PANX1: variants seen among roughly 807,000 people sequenced by gnomAD.
PANX1 encodes pannexin 1, also known as pannexin-1.
Under a neutral mutation model 38.7 loss-of-function variants are expected in PANX1, and 30 were observed. That is an observed-to-expected ratio of 0.78 (90% CI 0.58 to 1.05). PANX1 has a LOEUF of 1.05. PANX1 is among the 50% of genes least tolerant of loss of function. The pLI, the probability that PANX1 is intolerant of heterozygous loss-of-function variation, is 0.00. For missense variants in PANX1, 551 were observed against 517.2 expected (o/e 1.07, Z -0.63); for synonymous variants, 230 against 212.2 (o/e 1.08, Z -0.73).
chr11:94,128,950 C>G lies in PANX1; in HGVS notation c.-363C>G, dbSNP rs2134467489. On this transcript the variant is annotated 5_prime_UTR_variant, in exon 1 of 5. Coordinates refer to ENST00000227638, the MANE Select transcript of PANX1 (RefSeq NM_015368.4). ...CCAGGGCGGCGCGGAGGGGCAGGGC[C>G]AGAGGGAAGCGCTTTGTTCCGCGCG... The G allele has an allele frequency of 5.9e-6, 1 of 168,602 alleles. No homozygotes were observed. Among genetic ancestry groups the G allele is most frequent in the Admixed American group, 6.4e-5 (1 of 15,632 alleles). 10.4% of individuals were successfully genotyped at this position (168,602 alleles called of 1,614,324 possible). A position where few individuals can be genotyped will look rare whatever the true frequency, so the allele number is the denominator to read the frequency against.
chr11:94,147,609 T>G (rs1438144173), intron 1 of PANX1, among the ~76,000 whole-genome samples: 1 of 152,234 alleles, frequency 6.6e-6, no homozygotes, highest in Admixed American at 6.5e-5. Context: ...TTTCTGTTGC[T>G]GCACTTAGCG....
intron 3 of PANX1, 60 bp from the exon 4 acceptor site, chr11:94,179,542 C>CT: frequency 7.9e-7 from 1 of 1,266,248 alleles, no homozygotes; most frequent in African/African-American, 1.5e-5. Flanking sequence ...GTGTATCTGC[C>CT]TTTAATATTT....
chr11:94,172,144 C>T (rs1460052883), intron 2 of PANX1, among the ~76,000 whole-genome samples: 2 of 151,674 alleles, frequency 1.3e-5, no homozygotes, highest in Non-Finnish European at 2.9e-5. Flanking sequence ...CAAACCTTAG[C>T]ATTGCCAGAG....
Position 94,179,847 on chromosome 11 carries a change from A to C in PANX1, c.791A>C (p.Gln264Pro), listed in dbSNP as rs185625556. Residue 264 changes from glutamine to proline, a missense_variant, in exon 4 of 5, where the codon CAG becomes CCG. Gln to Pro is a moderately conservative substitution (Grantham distance 76). Coordinates refer to ENST00000227638, the MANE Select transcript of PANX1 (RefSeq NM_015368.4). ...RNDSTVPDQF[Q>P]CKLIAVGIFQ... ...GACAGCACCGTGCCCGATCAGTTTC[A>C]GTGCAAACTCATTGCCGTGGGCATC... The C allele has an allele frequency of 6.8e-6, 11 of 1,614,132 alleles. No individual in the cohort carries two copies. In the East Asian group the frequency reaches 2.5e-4, roughly 36 times the overall value.
Position 94,147,739 on chromosome 11 carries a change from T to G in PANX1, c.182-5752T>G, listed in dbSNP as rs76019193. 4.7e-4 allele frequency among the ~76,000 whole-genome samples: 71 copies of G among 152,338 alleles called. 1 individual carries two copies. The East Asian group carries it at 0.013, about 28-fold the overall frequency. On this transcript the variant is annotated intron_variant, in intron 1 of 4. Coordinates refer to ENST00000227638, the MANE Select transcript of PANX1 (RefSeq NM_015368.4). ...GCTGTGGGGTTGAGTGGTCACATCA[T>G]GGACCACGCGTTTGGCAGGTACAGA...
chr11:94,137,361 T>C (rs1184232946), intron 1 of PANX1, among the ~76,000 whole-genome samples: 1 of 152,200 alleles, frequency 6.6e-6, no homozygotes, highest in Non-Finnish European at 1.5e-5. Context: ...TCATGGACTC[T>C]AGGTTTGGAT....
chr11:94,148,060 GA>G (rs955611001), intron 1 of PANX1, among the ~76,000 whole-genome samples: 11 of 148,308 alleles, frequency 7.4e-5, no homozygotes, highest in South Asian at 2.1e-4. Flanking sequence ...TGGTTTAAAG[GA>G]AAAAAAAAAG....
chr11:94,155,892 A>C (rs1185423074), intron 2 of PANX1, among the ~76,000 whole-genome samples: 1 of 152,222 alleles, frequency 6.6e-6, no homozygotes, highest in Non-Finnish European at 1.5e-5. Context: ...TAGCCAAGGC[A>C]ACAAATAATA....
At position 94,180,926 on chromosome 11, in the gene PANX1, G is replaced by C. The variant is rs1947299817; in HGVS notation, c.*57G>C. The C allele has an allele frequency of 1.0e-6, 1 of 982,156 alleles. No individual in the cohort carries two copies. Among genetic ancestry groups the C allele is most frequent in the Non-Finnish European group, 1.7e-6 (1 of 604,816 alleles). 60.8% of individuals were successfully genotyped at this position (982,156 alleles called of 1,614,324 possible). A position where few individuals can be genotyped will look rare whatever the true frequency, so the allele number is the denominator to read the frequency against. On this transcript the variant is annotated 3_prime_UTR_variant, in exon 5 of 5. Coordinates refer to ENST00000227638, the MANE Select transcript of PANX1 (RefSeq NM_015368.4). ...CTTCTGCGACATGGGATTTAATTTG[G>C]CTAAAGCACCCCTGTTGGTTTCACA...
At chr11:94,150,205 T>G (rs1203975989) in intron 1 of PANX1, among the ~76,000 whole-genome samples, 1 of 152,154 alleles carries the variant, frequency 6.6e-6, no homozygotes, top group Admixed American at 6.5e-5. Context: ...GGCATAGATC[T>G]GAGTGCATAT....
At chr11:94,142,381 C>G (rs925094650) in intron 1 of PANX1, among the ~76,000 whole-genome samples, 5 of 152,290 alleles carry the variant, frequency 3.3e-5, no homozygotes, top group Middle Eastern at 6.8e-3. Context: ...CTACCAAGCC[C>G]TCCTTGCCTT....
At chr11:94,137,229 G>A (rs546023244) in intron 1 of PANX1, among the ~76,000 whole-genome samples, 119 of 152,212 alleles carry the variant, frequency 7.8e-4, no homozygotes, top group Non-Finnish European at 1.4e-3. Flanking sequence ...GCTTGAACGC[G>A]GGAGGCAGAG....
chr11:94,137,503 T>C (rs79259627), intron 1 of PANX1, among the ~76,000 whole-genome samples: 7,461 of 152,038 alleles, frequency 0.049, 614 homozygotes, highest in African/African-American at 0.17. Context: ...GGGAGGCAAT[T>C]TGGGGGCATT....
At chr11:94,145,300 C>A (rs1946815516) in intron 1 of PANX1, among the ~76,000 whole-genome samples, 1 of 152,122 alleles carries the variant, frequency 6.6e-6, no homozygotes, top group Non-Finnish European at 1.5e-5. Context: ...TCTTTATACA[C>A]CCCTTAATTG....
chr11:94,142,038 A>G (rs927231685), intron 1 of PANX1, among the ~76,000 whole-genome samples: 2 of 152,134 alleles, frequency 1.3e-5, no homozygotes, highest in Non-Finnish European at 2.9e-5. Flanking sequence ...GCTAGAGTGC[A>G]TTGCTCTTTC....
chr11:94,130,692 C>T (rs971668860), intron 1 of PANX1, among the ~76,000 whole-genome samples: 4 of 151,954 alleles, frequency 2.6e-5, no homozygotes, highest in South Asian at 2.1e-4. Context: ...GATTGCTGTG[C>T]GATCAAGGAG....
chr11:94,131,168 G>A (rs1946625625), intron 1 of PANX1, among the ~76,000 whole-genome samples: 1 of 152,170 alleles, frequency 6.6e-6, no homozygotes, highest in African/African-American at 2.4e-5. Context: ...TGTCTTGGAG[G>A]TGCAAGTCTT....
intron 2 of PANX1, among the ~76,000 whole-genome samples, chr11:94,173,117 G>C (rs868699095): frequency 6.6e-6 from 1 of 151,746 alleles, no homozygotes; most frequent in South Asian, 2.1e-4. Context: ...ACAGCATATA[G>C]CCAGAACAGA....
chr11:94,168,040 G>A (rs1246270000), intron 2 of PANX1, among the ~76,000 whole-genome samples: 1 of 152,230 alleles, frequency 6.6e-6, no homozygotes, highest in Non-Finnish European at 1.5e-5. Flanking sequence ...GTGGGAGGCA[G>A]ATGGCTGTGG....
Sources: gnomAD v4.1 joint callset for allele counts (sites outside exome capture counted in the v4.1 genomes callset) on GRCh38, gnomAD v4.1.1 for gene constraint, MANE v1.5 for transcripts, NCBI Gene and HGNC (gene_info 2026-07-23, HGNC 2026-07-21) for gene names.